TCF12: variants seen among roughly 807,000 people sequenced by gnomAD.
TCF12 encodes the protein DNA-binding protein HTF4.
A neutral mutation model predicts 86.0 loss-of-function variants in TCF12; 45 were observed. The observed-to-expected ratio is 0.52, with a 90% CI of 0.41 to 0.67. TCF12 has a LOEUF of 0.67. Ranked by LOEUF, TCF12 falls within the 30% of genes least tolerant of loss-of-function variation. The probability of loss-of-function intolerance (pLI) is 0.00; values close to 1 mark genes in which losing one functional copy is unlikely to be tolerated. For missense variants in TCF12, 881 were observed against 859.9 expected (o/e 1.02, Z -0.31); for synonymous variants, 330 against 299.6 (o/e 1.10, Z -1.05).
intron 3 of TCF12, among the ~76,000 whole-genome samples, chr15:56,933,858 A>G (rs1000726925): frequency 2.0e-4 from 30 of 152,008 alleles, no homozygotes; most frequent in Non-Finnish European, 3.1e-4. Flanking sequence ...ACACTAGCCT[A>G]TGGAACTCCT....
At chr15:57,105,738 G>A (rs1164743801) in intron 5 of TCF12, among the ~76,000 whole-genome samples, 1 of 152,188 alleles carries the variant, frequency 6.6e-6, no homozygotes, top group African/African-American at 2.4e-5. Context: ...GAGAAACGCT[G>A]GTTTGGTCTT....
intron 3 of TCF12, among the ~76,000 whole-genome samples, chr15:56,952,425 A>G (rs939510761): frequency 6.6e-6 from 1 of 151,762 alleles, no homozygotes. Context: ...AGTTTCTACC[A>G]AAAGTCTCCA....
In TCF12 at chr15:57,270,731, C is replaced by G. The variant is rs563156382; in HGVS notation, c.1746-2299C>G. On this transcript the variant is annotated intron_variant, in intron 18 of 20. Coordinates refer to ENST00000333725, the MANE Select transcript of TCF12 (RefSeq NM_207037.2). ...ACCTTTGGTCTTTGATGTTGGTGAC[C>G]TACGAATGGGATTTTGGTGTGGATG... 3.3e-5 allele frequency among the ~76,000 whole-genome samples: 5 copies of G among 152,236 alleles called. No homozygotes were observed. In the South Asian group the frequency reaches 1.0e-3, roughly 32 times the overall value.
At chr15:57,070,127 T>A (rs1391254680) in intron 4 of TCF12, among the ~76,000 whole-genome samples, 2 of 152,206 alleles carry the variant, frequency 1.3e-5, no homozygotes, top group Admixed American at 1.3e-4. Context: ...TGTGTGGTGA[T>A]GATTTAGCTT....
At chr15:57,116,119 A>G (rs1198165419) in intron 5 of TCF12, among the ~76,000 whole-genome samples, 1 of 152,178 alleles carries the variant, frequency 6.6e-6, no homozygotes, top group Non-Finnish European at 1.5e-5. Context: ...GAAGCATGAC[A>G]AGATTAAGTA....
intron 8 of TCF12, among the ~76,000 whole-genome samples, chr15:57,208,899 A>G (rs1566919039): frequency 6.6e-6 from 1 of 151,752 alleles, no homozygotes; most frequent in Admixed American, 6.6e-5. Context: ...TATTTTTTGT[A>G]GAAAAGAGGT....
chr15:57,269,695 G>A (rs547631989), intron 18 of TCF12, among the ~76,000 whole-genome samples: 6 of 152,182 alleles, frequency 3.9e-5, no homozygotes, highest in South Asian at 2.1e-4. Flanking sequence ...GGCTGGTACC[G>A]GTTGTTGCTT....
At position 57,149,585 on chromosome 15, in the gene TCF12, T is replaced by C. The variant is rs114793615; in HGVS notation, c.326-16817T>C. 4.8e-3 allele frequency among the ~76,000 whole-genome samples: 730 copies of C among 152,316 alleles called. 5 individuals are homozygous for C. The highest frequency in any genetic ancestry group is 0.017 in the African/African-American group (714 of 41,560). ...ATGTTGGAAATAAGAGAGCACAATA[T>C]CATAAAAACAGAGGTAGTTTAACAA... On this transcript the variant is annotated intron_variant, in intron 5 of 20. Transcript: ENST00000333725.
At chr15:57,112,529 A>G (rs1476865103) in intron 5 of TCF12, among the ~76,000 whole-genome samples, 2 of 152,180 alleles carry the variant, frequency 1.3e-5, no homozygotes, top group Admixed American at 6.5e-5. Context: ...ATTGCTGTAT[A>G]GCAATCTAAG....
rs541442968 is a variant in TCF12, at chr15:57,158,190, T to G, written c.326-8212T>G. 8.4e-4 allele frequency among the ~76,000 whole-genome samples: 126 copies of G among 150,012 alleles called. 4 individuals carry two copies. Among genetic ancestry groups the G allele is most frequent in the Admixed American group, 4.6e-3 (69 of 15,090 alleles). ...GTTAAAGTCTCAGAAAGTCGTTTCT[T>G]TTTTTTTTTTTTCTTTGAGACAGTA... On this transcript the variant is annotated intron_variant, in intron 5 of 20. Transcript: ENST00000333725.
At chr15:57,105,321 T>A (rs2050067520) in intron 5 of TCF12, among the ~76,000 whole-genome samples, 1 of 152,260 alleles carries the variant, frequency 6.6e-6, no homozygotes, top group Admixed American at 6.5e-5. Flanking sequence ...ATTTTCCAGT[T>A]AAATTGCAGC....
intron 5 of TCF12, among the ~76,000 whole-genome samples, chr15:57,141,874 T>G (rs1039305276): frequency 6.6e-6 from 1 of 152,066 alleles, no homozygotes; most frequent in African/African-American, 2.4e-5. Context: ...TTAGCTAGAT[T>G]ATGGAAAGGT....
intron 3 of TCF12, among the ~76,000 whole-genome samples, chr15:57,006,594 A>G (rs1474213712): frequency 2.6e-5 from 4 of 152,048 alleles, no homozygotes; most frequent in African/African-American, 9.7e-5. Context: ...GGAGTTCGAG[A>G]TAGCTATTCA....
intron 3 of TCF12, among the ~76,000 whole-genome samples, chr15:56,987,425 CT>C (rs1256054512): frequency 6.6e-6 from 1 of 152,074 alleles, no homozygotes; most frequent in African/African-American, 2.4e-5. Context: ...TAATTAGTTA[CT>C]TTTAAATGTT....
In TCF12 at chr15:57,172,573, C is replaced by G. The variant is rs533471819; in HGVS notation, c.390+6107C>G. Among the ~76,000 whole-genome samples, 4 of 152,194 alleles carry G rather than the reference C, an allele frequency of 2.6e-5. No homozygotes were observed. The East Asian group carries it at 7.7e-4, about 29-fold the overall frequency. On this transcript the variant is annotated intron_variant, in intron 6 of 20. Coordinates refer to ENST00000333725, the MANE Select transcript of TCF12 (RefSeq NM_207037.2). ...GACACAAAAGACTTAAATAAAAACT[C>G]TGATGAGAACTCAGGGACACAAAGA...
chr15:57,085,840 TG>T (rs2048587911), intron 4 of TCF12, among the ~76,000 whole-genome samples: 1 of 152,188 alleles, frequency 6.6e-6, no homozygotes, highest in Non-Finnish European at 1.5e-5. Context: ...CCGATTCTTC[TG>T]GCTTTTGCCC....
At chr15:56,934,036 CTT>C (rs1157749637) in intron 3 of TCF12, among the ~76,000 whole-genome samples, 1 of 151,922 alleles carries the variant, frequency 6.6e-6, no homozygotes, top group Non-Finnish European at 1.5e-5. Context: ...TTGGATGAGT[CTT>C]TTTGGTTAAA....
chr15:56,984,098 A>G (rs2063042037), intron 3 of TCF12, among the ~76,000 whole-genome samples: 1 of 147,696 alleles, frequency 6.8e-6, no homozygotes, highest in Admixed American at 6.9e-5. Flanking sequence ...TATTCTTGTG[A>G]AGAGAGAAAG....
At position 57,288,507 on chromosome 15, in the gene TCF12, AAC is replaced by A. The variant is rs2062004593; in HGVS notation, c.*2366_*2367del. On this transcript the variant is annotated 3_prime_UTR_variant, in exon 21 of 21. Transcript: ENST00000333725. ...GCAATAAATGTGCCATCTTTTTTTT[AAC>A]ACAGTAAAATAGTGAGTTTTTTACA... 1 of 152,588 alleles carries A rather than the reference AAC, an allele frequency of 6.6e-6. No individual in the cohort carries two copies. The highest frequency in any genetic ancestry group is 1.5e-5 in the Non-Finnish European group (1 of 68,028). 9.5% of individuals were successfully genotyped at this position (152,588 alleles called of 1,614,324 possible).
Sources: gnomAD v4.1 joint callset for allele counts (sites outside exome capture counted in the v4.1 genomes callset) on GRCh38, gnomAD v4.1.1 for gene constraint, MANE v1.5 for transcripts, NCBI Gene and HGNC (gene_info 2026-07-23, HGNC 2026-07-21) for gene names.